The following TANC2 variants were observed in gnomAD, a reference collection of about 807,000 sequenced individuals.
TANC2 encodes protein TANC2.
TANC2 carries 26 observed loss-of-function variants against 210.5 expected under a neutral mutation model. That is an observed-to-expected ratio of 0.12 (90% CI 0.09 to 0.17). The LOEUF (loss-of-function observed/expected upper bound fraction) is 0.17, where lower values mean the gene tolerates loss of function less well. TANC2 is among the 10% of genes least tolerant of loss of function. TANC2 has a pLI of 1.00. For synonymous variants in TANC2, 931 were observed against 967.1 expected, an observed-to-expected ratio of 0.96 and a Z score of 0.69; for missense variants, 2,129 against 2,608.9, an observed-to-expected ratio of 0.82 and a Z score of 4.01.
In TANC2 at chr17:63,388,690, C is replaced by T. The variant is rs186712546; in HGVS notation, c.2747C>T (p.Ser916Phe). Residue 916 changes from serine to phenylalanine, a missense_variant, in exon 16 of 28, where the codon TCT becomes TTT. Transcript: ENST00000689528. ...TCCATCCTCCAAGGTCTCTGGATCTCTTATAGCACAGAAGGTCTTTCCATG... is the reference window on the plus strand; with the variant it reads ...TCCATCCTCCAAGGTCTCTGGATCTTTTATAGCACAGAAGGTCTTTCCATG... The T allele has an allele frequency of 3.4e-4, 539 of 1,605,458 alleles. 1 individual carries two copies. The highest frequency in any genetic ancestry group is 6.8e-4 in the Admixed American group (40 of 58,994).
chr17:62,986,272 G>T (rs2032560678), intron 1 of TANC2, among the ~76,000 whole-genome samples: 1 of 152,174 alleles, frequency 6.6e-6, no homozygotes, highest in African/African-American at 2.4e-5. Flanking sequence ...GCTAACTTGG[G>T]GCTGGGTTTG....
chr17:63,006,741 C>A (rs539347911), intron 1 of TANC2, among the ~76,000 whole-genome samples: 17 of 151,880 alleles, frequency 1.1e-4, no homozygotes, highest in African/African-American at 4.1e-4. Context: ...TATATATATT[C>A]AAGTCTAGTT....
chr17:63,102,103 C>T (rs2037644290), intron 4 of TANC2, among the ~76,000 whole-genome samples: 1 of 152,056 alleles, frequency 6.6e-6, no homozygotes, highest in Admixed American at 6.6e-5. Flanking sequence ...AAGTTTGAGA[C>T]CACCCTGGAC....
intron 7 of TANC2, among the ~76,000 whole-genome samples, chr17:63,204,726 C>T (rs550081875): frequency 3.3e-4 from 50 of 152,280 alleles, no homozygotes; most frequent in Middle Eastern, 3.4e-3. Context: ...CAAAATTGGA[C>T]GACTCACATT....
chr17:63,268,142 G>C (rs1295561062), intron 9 of TANC2, among the ~76,000 whole-genome samples: 1 of 152,146 alleles, frequency 6.6e-6, no homozygotes, highest in Non-Finnish European at 1.5e-5. Flanking sequence ...AGATGTAAAG[G>C]GGCTGTGGTA....
rs991733890 is a variant in TANC2 at position 63,159,801 on chromosome 17, C to T, written c.433+8421C>T. On this transcript the variant is annotated intron_variant, in intron 5 of 27. Coordinates refer to ENST00000689528, the Ensembl canonical transcript of TANC2. ...TTTGGTATGGGATTGGGAGGGGGGTCCTGAAATCAGTCTGTTGCAGATACT... is the reference window on the plus strand; with the variant it reads ...TTTGGTATGGGATTGGGAGGGGGGTTCTGAAATCAGTCTGTTGCAGATACT... Among the ~76,000 whole-genome samples the T allele has an allele frequency of 2.0e-4, 30 of 152,172 alleles. 1 individual carries two copies. Among genetic ancestry groups the T allele is most frequent in the Admixed American group, 1.8e-3 (27 of 15,290 alleles).
At chr17:63,125,688 G>A (rs1412135456) in intron 4 of TANC2, among the ~76,000 whole-genome samples, 1 of 152,142 alleles carries the variant, frequency 6.6e-6, no homozygotes, top group South Asian at 2.1e-4. Context: ...CACTTGATAA[G>A]TATGTAGTTT....
At chr17:63,017,418 T>C (rs971118917) in intron 2 of TANC2, among the ~76,000 whole-genome samples, 1 of 152,246 alleles carries the variant, frequency 6.6e-6, no homozygotes, top group Non-Finnish European at 1.5e-5. Context: ...TTTAAAGAAC[T>C]ATTTCTTTAG....
At chr17:63,279,329 A>G (rs542550447) in intron 9 of TANC2, among the ~76,000 whole-genome samples, 1 of 152,290 alleles carries the variant, frequency 6.6e-6, no homozygotes, top group South Asian at 2.1e-4. Flanking sequence ...CATGCTAATA[A>G]CTACATTATC....
At chr17:63,126,461 G>A (rs2038712759) in intron 4 of TANC2, among the ~76,000 whole-genome samples, 2 of 152,136 alleles carry the variant, frequency 1.3e-5, no homozygotes, top group Non-Finnish European at 2.9e-5. Context: ...AGGCTGGAGT[G>A]TAGTGGTGCA....
chr17:63,089,012 G>T (rs1338839237), intron 3 of TANC2: 2 of 152,128 alleles, frequency 1.3e-5, no homozygotes, highest in African/African-American at 4.8e-5. Flanking sequence ...CTCTCTGTTT[G>T]CATCTCACTG....
At chr17:63,118,843 G>A (rs923423544) in intron 4 of TANC2, among the ~76,000 whole-genome samples, 5 of 149,258 alleles carry the variant, frequency 3.3e-5, no homozygotes, top group Non-Finnish European at 7.4e-5. Context: ...GTAGTGGTGC[G>A]AACTCAGCTC....
At chr17:63,335,536 C>G (rs1253771930) in intron 11 of TANC2, among the ~76,000 whole-genome samples, 1 of 151,540 alleles carries the variant, frequency 6.6e-6, no homozygotes, top group East Asian at 1.9e-4. Context: ...TCACGTGAAC[C>G]TGGGAGGCGG....
chr17:63,307,041 C>G (rs1422638764), intron 9 of TANC2, among the ~76,000 whole-genome samples: 1 of 152,162 alleles, frequency 6.6e-6, no homozygotes, highest in Non-Finnish European at 1.5e-5. Flanking sequence ...AAACAAGAAA[C>G]TGGAAGGCCA....
At chr17:63,094,209 A>G (rs998540256) in intron 3 of TANC2, among the ~76,000 whole-genome samples, 1 of 151,940 alleles carries the variant, frequency 6.6e-6, no homozygotes, top group Non-Finnish European at 1.5e-5. Context: ...TTGTCTGATC[A>G]TATGATCCTA....
chr17:63,365,206 G>A (rs897908516), intron 14 of TANC2, among the ~76,000 whole-genome samples: 3 of 152,098 alleles, frequency 2.0e-5, no homozygotes, highest in African/African-American at 4.8e-5. Flanking sequence ...CAATTCACTC[G>A]GCCATCTCTA....
chr17:63,046,752 T>C (rs1394557742), intron 2 of TANC2, among the ~76,000 whole-genome samples: 1 of 152,176 alleles, frequency 6.6e-6, no homozygotes, highest in Non-Finnish European at 1.5e-5. Flanking sequence ...TAAAAAACAT[T>C]TATGCATAAC....
At chr17:63,285,474 C>G (rs537343395) in intron 9 of TANC2, among the ~76,000 whole-genome samples, 1 of 152,184 alleles carries the variant, frequency 6.6e-6, no homozygotes, top group East Asian at 1.9e-4. Context: ...AGTATAAGAG[C>G]ATTACAATAG....
chr17:63,268,009 AC>A, intron 9 of TANC2, 136 bp downstream of exon 9: 1 of 979,990 alleles, frequency 1.0e-6, no homozygotes, highest in Non-Finnish European at 1.4e-6. Context: ...TTAGCATGTG[AC>A]CAGTTCATTT....
Sources: gnomAD v4.1 joint callset for allele counts (sites outside exome capture counted in the v4.1 genomes callset) on GRCh38, gnomAD v4.1.1 for gene constraint, MANE v1.5 for transcripts, NCBI Gene and HGNC (gene_info 2026-07-23, HGNC 2026-07-21) for gene names.